KCNN2: variants seen among roughly 807,000 people sequenced by gnomAD.
The protein encoded by KCNN2 is potassium calcium-activated channel subfamily N member 2.
KCNN2 carries 24 observed loss-of-function variants against 55.5 expected under a neutral mutation model. That is an observed-to-expected ratio of 0.43 (90% CI 0.31 to 0.61). The LOEUF is 0.61. Ranked by LOEUF, KCNN2 falls within the 20% of genes least tolerant of loss-of-function variation. The pLI, the probability that KCNN2 is intolerant of heterozygous loss-of-function variation, is 0.08. For missense variants in KCNN2, 754 were observed against 853.6 expected (o/e 0.88, Z 1.45); for synonymous variants, 431 against 336.1 (o/e 1.28, Z -3.09).
At chr5:114,403,727 CT>C (rs1758855092) in intron 2 of KCNN2, among the ~76,000 whole-genome samples, 1 of 152,014 alleles carries the variant, frequency 6.6e-6, no homozygotes, top group Non-Finnish European at 1.5e-5. Context: ...CTGGTTTTTT[CT>C]TCTTAAAAAA....
chr5:114,097,484 A>G (rs953924462), intron 1 of KCNN2, among the ~76,000 whole-genome samples: 20 of 152,182 alleles, frequency 1.3e-4, no homozygotes, highest in African/African-American at 4.8e-4. Flanking sequence ...GTGGATCTGA[A>G]GTAGCCTGAA....
intron 3 of KCNN2, among the ~76,000 whole-genome samples, chr5:114,429,076 T>G (rs1759712981): frequency 6.6e-6 from 1 of 152,124 alleles, no homozygotes; most frequent in Non-Finnish European, 1.5e-5. Context: ...GTCATTTGGA[T>G]TAATACCTGG....
intron 2 of KCNN2, among the ~76,000 whole-genome samples, chr5:114,244,843 T>C (rs1303161835): frequency 1.3e-5 from 2 of 152,146 alleles, no homozygotes; most frequent in Non-Finnish European, 2.9e-5. Flanking sequence ...CAAATACAAA[T>C]TCATTTTCTT....
intron 3 of KCNN2, among the ~76,000 whole-genome samples, chr5:114,409,621 T>G (rs1441156267): frequency 6.6e-6 from 1 of 152,124 alleles, no homozygotes; most frequent in East Asian, 1.9e-4. Context: ...AAAAAGAGAC[T>G]TAGATTTTTG....
intron 2 of KCNN2, among the ~76,000 whole-genome samples, chr5:114,267,017 GA>G: frequency 1.0e-5 from 1 of 99,562 alleles, no homozygotes; most frequent in African/African-American, 3.9e-5. Flanking sequence ...TTTTTTTTGA[GA>G]CGAAGTCTCC....
intron 2 of KCNN2, among the ~76,000 whole-genome samples, chr5:114,378,679 G>GGGGCAGTAT (rs1409580616): frequency 6.6e-6 from 1 of 152,096 alleles, no homozygotes; most frequent in Non-Finnish European, 1.5e-5. Context: ...ATTTTTGGGA[G>GGGGCAGTAT]GGGCAGTATG....
intron 1 of KCNN2, among the ~76,000 whole-genome samples, chr5:114,137,557 G>A (rs182634843): frequency 8.3e-5 from 12 of 145,178 alleles, no homozygotes; most frequent in East Asian, 2.0e-4. Context: ...AAAGTACTTC[G>A]CATAGCATTA....
At chr5:114,410,859 G>T (rs1326903855) in intron 3 of KCNN2, among the ~76,000 whole-genome samples, 1 of 152,084 alleles carries the variant, frequency 6.6e-6, no homozygotes, top group Non-Finnish European at 1.5e-5. Flanking sequence ...ATCTCTCAGG[G>T]CACTTAAATA....
chr5:114,220,136 C>T (rs1754101902), intron 1 of KCNN2, among the ~76,000 whole-genome samples: 1 of 152,120 alleles, frequency 6.6e-6, no homozygotes. Context: ...CCGTGTAAAA[C>T]AAAGTTCTGA....
chr5:114,139,644 G>T (rs1298101653), intron 1 of KCNN2, among the ~76,000 whole-genome samples: 2 of 150,656 alleles, frequency 1.3e-5, no homozygotes, highest in Non-Finnish European at 3.0e-5. Flanking sequence ...AAATAATATA[G>T]TATTTACTTT....
At chr5:114,141,217 G>T (rs149520741) in intron 1 of KCNN2, among the ~76,000 whole-genome samples, 14,051 of 151,966 alleles carry the variant, frequency 0.092, 831 homozygotes, top group Non-Finnish European at 0.12. Flanking sequence ...TGCCATGTTG[G>T]TGTACTGCAC....
intron 2 of KCNN2, among the ~76,000 whole-genome samples, chr5:114,404,186 A>G (rs1580796033): frequency 6.6e-6 from 1 of 152,198 alleles, no homozygotes; most frequent in East Asian, 1.9e-4. Flanking sequence ...GATGATGTTT[A>G]CGTGATTGTC....
intron 1 of KCNN2, among the ~76,000 whole-genome samples, chr5:114,161,141 A>C (rs952346584): frequency 6.6e-6 from 1 of 152,134 alleles, no homozygotes; most frequent in African/African-American, 2.4e-5. Flanking sequence ...AGTGGCTGGT[A>C]CTGGTTTTTC....
chr5:114,081,075 A>T (rs1750805949), intron 1 of KCNN2, among the ~76,000 whole-genome samples: 1 of 152,160 alleles, frequency 6.6e-6, no homozygotes, highest in South Asian at 2.1e-4. Context: ...CAAAAAGTAT[A>T]AAAAAACTTA....
At chr5:114,478,185 C>T (rs142626093) in intron 5 of KCNN2, among the ~76,000 whole-genome samples, 13 of 151,820 alleles carry the variant, frequency 8.6e-5, no homozygotes, top group Admixed American at 8.5e-4. Flanking sequence ...CTTGAATTGG[C>T]GAGGAGTGGA....
intron 3 of KCNN2, among the ~76,000 whole-genome samples, chr5:114,411,851 C>A (rs1451220331): frequency 2.0e-5 from 3 of 152,172 alleles, no homozygotes; most frequent in African/African-American, 7.2e-5. Context: ...TTTACCAGTT[C>A]TCTAGGTATT....
At chr5:114,271,994 T>A (rs549396903) in intron 2 of KCNN2, among the ~76,000 whole-genome samples, 68 of 152,312 alleles carry the variant, frequency 4.5e-4, no homozygotes, top group Non-Finnish European at 8.8e-4. Flanking sequence ...TTAATAAAGA[T>A]TAGCTGTTAT....
chr5:114,168,173 A>ATG (rs1752958475), intron 1 of KCNN2, among the ~76,000 whole-genome samples: 1 of 129,568 alleles, frequency 7.7e-6, no homozygotes, highest in African/African-American at 2.7e-5. Flanking sequence ...GTGGATATAT[A>ATG]TACACACACA....
At chr5:114,463,236 G>C in intron 4 of KCNN2, 46 bp downstream of exon 4, 1 of 1,549,394 alleles carries the variant, frequency 6.5e-7, no homozygotes, top group Non-Finnish European at 8.8e-7. Context: ...CGCTCAAGAA[G>C]GCACTTAAAC....
Sources: allele counts gnomAD v4.1 joint callset (sites outside exome capture counted in the v4.1 genomes callset), GRCh38; gene constraint gnomAD v4.1.1; transcripts MANE v1.5; gene names NCBI Gene and HGNC (gene_info 2026-07-23, HGNC 2026-07-21).